The following DPP6 variants were observed in gnomAD, a reference collection of about 807,000 sequenced individuals.
The protein encoded by DPP6 is dipeptidyl peptidase like 6.
DPP6 carries 69 observed loss-of-function variants against 122.6 expected under a neutral mutation model. The ratio of observed to expected loss-of-function variants is 0.56; its 90% CI spans 0.46 to 0.69. The LOEUF (loss-of-function observed/expected upper bound fraction) is 0.69. Among genes scored for constraint, DPP6 ranks in the 30% least tolerant of loss-of-function variants. DPP6 has a pLI of 0.00. For missense variants in DPP6, 928 were observed against 1,116.9 expected, an observed-to-expected ratio of 0.83 and a Z score of 2.41; for synonymous variants, 418 against 433.1, an observed-to-expected ratio of 0.97 and a Z score of 0.43.
chr7:154,584,834 C>T (rs1832330823), intron 5 of DPP6, among the ~76,000 whole-genome samples: 1 of 152,190 alleles, frequency 6.6e-6, no homozygotes, highest in Admixed American at 6.5e-5. Flanking sequence ...AGTGGACGAT[C>T]CTGTGCTATT....
At chr7:154,533,387 A>G (rs757170806) in intron 3 of DPP6, among the ~76,000 whole-genome samples, 42 of 152,346 alleles carry the variant, frequency 2.8e-4, no homozygotes, top group Non-Finnish European at 5.3e-4. Context: ...CGACCTAAGA[A>G]GAAATAGGAA....
chr7:153,911,554 T>A (rs1041901710), intron 1 of DPP6, among the ~76,000 whole-genome samples: 1 of 152,174 alleles, frequency 6.6e-6, no homozygotes, highest in Non-Finnish European at 1.5e-5. Context: ...CATAAAAAAC[T>A]TTTGGCTCCC....
Position 154,794,206 on chromosome 7 carries a change from C to T in DPP6, c.1260+4C>T, listed in dbSNP as rs1196548167. On this transcript the variant is annotated splice_donor_region_variant and intron_variant, in intron 11 of 25. Transcript: ENST00000377770. Reference sequence around the variant, plus strand: ...CACCACGGGGGTCTGCACGAAGGTACGCGGGGCTGTGGGGGTGGAGGGGAG... The same window carrying T: ...CACCACGGGGGTCTGCACGAAGGTATGCGGGGCTGTGGGGGTGGAGGGGAG... The T allele has an allele frequency of 1.9e-6, 3 of 1,603,882 alleles. No individual in the cohort carries two copies. Among genetic ancestry groups the T allele is most frequent in the Admixed American group, 3.4e-5 (2 of 59,234 alleles).
intron 1 of DPP6, among the ~76,000 whole-genome samples, chr7:154,102,165 C>G (rs1424309697): frequency 1.3e-5 from 2 of 151,852 alleles, no homozygotes; most frequent in African/African-American, 2.4e-5. Context: ...GTACTGTCTC[C>G]ATAAAGCCCC....
In DPP6 at chr7:154,707,852, C is replaced by T. The variant is rs576705699; in HGVS notation, c.763-19915C>T. ...GCAGCAGACAGGAGAGAATGAGACC[C>T]GAGCAAAAAGGGAGACCCCTTATAA... is the stretch of plus-strand genomic sequence containing the variant. On this transcript the variant is annotated intron_variant, in intron 7 of 25. Transcript: ENST00000377770. Among the ~76,000 whole-genome samples, 6 of 151,950 alleles carry T rather than the reference C, an allele frequency of 3.9e-5. No individual in the cohort carries two copies. In the South Asian group the frequency reaches 1.3e-3, roughly 32 times the overall value.
rs995996861 is a variant in DPP6 at position 154,381,239 on chromosome 7, T to C, written c.244-64975T>C. Among the ~76,000 whole-genome samples the C allele has an allele frequency of 2.6e-5, 4 of 152,322 alleles. No individual in the cohort carries two copies. In the East Asian group the frequency reaches 7.7e-4, roughly 29 times the overall value. On this transcript the variant is annotated intron_variant, in intron 1 of 25. Coordinates refer to ENST00000377770, the MANE Select transcript of DPP6 (RefSeq NM_130797.4). ...CAGCCCAAGGACCCTTGCCGCTCCA[T>C]GCCAGGCAGCCTCCTGGCCCCGTCT...
Position 154,772,937 on chromosome 7 carries a change from G to T in DPP6, c.1131G>T (p.Arg377=). 6.3e-7 allele frequency: 1 copy of T among 1,596,496 alleles called. No homozygotes were observed. ...DLEMMPPDDP[R]MREYYITMVK... ...AGATGATGCCGCCTGATGATCCACG[G>T]ATGAGGTTTGCTTCCTTCTATTATG... The change falls in exon 10 of 26, where the codon CGG becomes CGT. Residue 377 remains arginine (R), a synonymous_variant. Transcript: ENST00000377770.
chr7:154,119,026 G>C, intron 1 of DPP6, among the ~76,000 whole-genome samples: 1 of 151,992 alleles, frequency 6.6e-6, no homozygotes, highest in Admixed American at 6.6e-5. Flanking sequence ...ATACAACCAG[G>C]CTATGATGCA....
chr7:154,080,982 A>T (rs1455112714), intron 1 of DPP6, among the ~76,000 whole-genome samples: 6 of 152,056 alleles, frequency 3.9e-5, no homozygotes, highest in Non-Finnish European at 8.8e-5. Flanking sequence ...CTGAAGCTAA[A>T]TCCCTTGAGA....
chr7:154,884,028 ACT>A (rs1241652138), intron 21 of DPP6: 5 of 143,660 alleles, frequency 3.5e-5, no homozygotes, highest in African/African-American at 5.4e-5. Context: ...TCACACATAC[ACT>A]CACACACACC....
intron 4 of DPP6, among the ~76,000 whole-genome samples, chr7:154,541,339 T>C (rs756172049): frequency 1.3e-5 from 2 of 152,208 alleles, no homozygotes; most frequent in Non-Finnish European, 2.9e-5. Flanking sequence ...CTCACTATGT[T>C]GCCCAGGCTG....
At chr7:154,792,890 G>A (rs190760051) in intron 10 of DPP6, among the ~76,000 whole-genome samples, 14 of 152,282 alleles carry the variant, frequency 9.2e-5, no homozygotes, top group Admixed American at 4.6e-4. Flanking sequence ...GCCAGCAGCC[G>A]CCTGTCTTAG....
chr7:154,283,348 T>C (rs1341218553), intron 1 of DPP6, among the ~76,000 whole-genome samples: 1 of 152,212 alleles, frequency 6.6e-6, no homozygotes, highest in Non-Finnish European at 1.5e-5. Context: ...AAAGTGAGGA[T>C]ACAAATGATC....
chr7:154,165,252 C>T (rs868345255), intron 1 of DPP6, among the ~76,000 whole-genome samples: 1 of 143,982 alleles, frequency 6.9e-6, no homozygotes, highest in African/African-American at 2.7e-5. Context: ...TGAGAATATG[C>T]GGTGTTTGGT....
chr7:153,794,041 C>A, the DPP6 span, among the ~76,000 whole-genome samples: 67 of 152,338 alleles, frequency 4.4e-4, no homozygotes, highest in East Asian at 9.8e-3. Context: ...AGGAGCAGGG[C>A]ACTCATGTAG....
At chr7:154,665,294 C>A (rs1302697523) in intron 6 of DPP6, among the ~76,000 whole-genome samples, 1 of 152,150 alleles carries the variant, frequency 6.6e-6, no homozygotes, top group African/African-American at 2.4e-5. Context: ...TGGCTGTCTG[C>A]CAGGTTTCCA....
At chr7:153,823,715 T>G in the DPP6 span, among the ~76,000 whole-genome samples, 1 of 151,882 alleles carries the variant, frequency 6.6e-6, no homozygotes, top group Non-Finnish European at 1.5e-5. Context: ...TTGATTGTCG[T>G]AGCCGTTACA....
At chr7:153,953,113 C>T (rs1170481645) in intron 1 of DPP6, among the ~76,000 whole-genome samples, 2 of 152,154 alleles carry the variant, frequency 1.3e-5, no homozygotes, top group Non-Finnish European at 1.5e-5. Context: ...TCCTTGAAAA[C>T]CACTGAAAAT....
chr7:153,903,312 T>G (rs1240289560), intron 1 of DPP6, among the ~76,000 whole-genome samples: 3 of 152,188 alleles, frequency 2.0e-5, no homozygotes, highest in Non-Finnish European at 2.9e-5. Flanking sequence ...TGATCAGGCC[T>G]GAAAAGCCTG....
Sources: allele counts gnomAD v4.1 joint callset (sites outside exome capture counted in the v4.1 genomes callset), GRCh38; gene constraint gnomAD v4.1.1; transcripts MANE v1.5; gene names NCBI Gene and HGNC (gene_info 2026-07-23, HGNC 2026-07-21).